Variants in HS6ST3 observed in about 807,000 individuals in gnomAD.
HS6ST3 encodes heparan sulfate 6-O-sulfotransferase 3, also known as heparan-sulfate 6-O-sulfotransferase 3.
Under a neutral mutation model 36.7 loss-of-function variants are expected in HS6ST3, and 12 were observed. That is an observed-to-expected ratio of 0.33 (90% CI 0.21 to 0.53). The LOEUF is 0.53. Ranked by LOEUF, HS6ST3 falls within the 20% of genes least tolerant of loss-of-function variation. The pLI, the probability that HS6ST3 is intolerant of heterozygous loss-of-function variation, is 0.95. For synonymous variants in HS6ST3, 240 were observed against 257.5 expected (o/e 0.93, Z 0.65); for missense variants, 584 against 640.9 (o/e 0.91, Z 0.96).
At chr13:96,224,473 C>G (rs906936515) in intron 1 of HS6ST3, among the ~76,000 whole-genome samples, 2 of 152,124 alleles carry the variant, frequency 1.3e-5, no homozygotes, top group Admixed American at 6.5e-5. Context: ...AGGCATGCCC[C>G]ACCATGCCTG....
intron 1 of HS6ST3, among the ~76,000 whole-genome samples, chr13:96,665,188 A>C (rs879278304): frequency 1.3e-5 from 2 of 152,132 alleles, no homozygotes; most frequent in Admixed American, 6.5e-5. Context: ...ATAAATAAAT[A>C]AATAAACAAG....
At position 96,743,869 on chromosome 13, in the gene HS6ST3, T is replaced by A. The variant is rs73562315; in HGVS notation, c.708-88621T>A. 4.2e-3 allele frequency among the ~76,000 whole-genome samples: 639 copies of A among 152,202 alleles called. 5 individuals carry two copies. Among genetic ancestry groups the A allele is most frequent in the African/African-American group, 0.015 (614 of 41,578 alleles). On this transcript the variant is annotated intron_variant, in intron 1 of 1. Coordinates refer to ENST00000376705, the MANE Select transcript of HS6ST3 (RefSeq NM_153456.4). ...CTGGCTATGATTTATTGGAGCATGG[T>A]ACTACAAATCATGCTTTTTGACTCC... is the stretch of plus-strand genomic sequence containing the variant.
At chr13:96,102,221 G>A (rs1402937888) in intron 1 of HS6ST3, among the ~76,000 whole-genome samples, 3 of 152,054 alleles carry the variant, frequency 2.0e-5, no homozygotes, top group Non-Finnish European at 4.4e-5. Context: ...TACTTTTATT[G>A]ATAAATGTCA....
intron 1 of HS6ST3, among the ~76,000 whole-genome samples, chr13:96,693,281 A>AT (rs1594837823): frequency 6.6e-6 from 1 of 152,074 alleles, no homozygotes; most frequent in Non-Finnish European, 1.5e-5. Context: ...CTATGGAATT[A>AT]TTTTTTGATT....
At chr13:96,356,156 A>G (rs2055209090) in intron 1 of HS6ST3, among the ~76,000 whole-genome samples, 1 of 152,088 alleles carries the variant, frequency 6.6e-6, no homozygotes, top group Admixed American at 6.6e-5. Flanking sequence ...TTCTCTTGCT[A>G]TTTCTACCCC....
chr13:96,112,776 A>ACAG (rs959063187), intron 1 of HS6ST3, among the ~76,000 whole-genome samples: 3 of 149,654 alleles, frequency 2.0e-5, no homozygotes, highest in African/African-American at 7.4e-5. Context: ...CAACAAACAA[A>ACAG]CAAACAGTGA....
rs59107741 is a variant in HS6ST3, at chr13:96,112,578, A to AATATATATAT, written c.707+21044_707+21053dup. 1.2e-3 allele frequency among the ~76,000 whole-genome samples: 96 copies of AATATATATAT among 81,146 alleles called. 2 individuals are homozygous for AATATATATAT. Among genetic ancestry groups the AATATATATAT allele is most frequent in the Middle Eastern group, 6.0e-3 (1 of 166 alleles). The allele number at this position is 81,146 out of a possible 152,430, so 53.2% of individuals were successfully genotyped here. On this transcript the variant is annotated intron_variant, in intron 1 of 1. Coordinates refer to ENST00000376705, the MANE Select transcript of HS6ST3 (RefSeq NM_153456.4). ...TAAAACCCCATCTCTAAAATAAATA[A>AATATATATAT]ATATATATATATATATATATATATA...
chr13:96,667,996 C>G (rs920979653), intron 1 of HS6ST3, among the ~76,000 whole-genome samples: 1 of 152,116 alleles, frequency 6.6e-6, no homozygotes, highest in Non-Finnish European at 1.5e-5. Context: ...TTGTTTTTCT[C>G]CCTCTAACAT....
At chr13:96,402,435 G>A (rs890476023) in intron 1 of HS6ST3, among the ~76,000 whole-genome samples, 6 of 152,180 alleles carry the variant, frequency 3.9e-5, no homozygotes, top group Non-Finnish European at 7.3e-5. Context: ...TTTTAGGTCT[G>A]TATTTAGTTG....
intron 1 of HS6ST3, among the ~76,000 whole-genome samples, chr13:96,264,310 A>C (rs2054680867): frequency 6.6e-6 from 1 of 152,220 alleles, no homozygotes; most frequent in African/African-American, 2.4e-5. Flanking sequence ...TAAAGATTAC[A>C]GAGGGACTGT....
At chr13:96,576,943 CAAAAAAAAAAA>C (rs1157924077) in intron 1 of HS6ST3, among the ~76,000 whole-genome samples, 1 of 26,848 alleles carries the variant, frequency 3.7e-5, no homozygotes, top group East Asian at 1.6e-3. Context: ...GACTCTGTCT[CAAAAAAAAAAA>C]AAAAAAAAAA....
intron 1 of HS6ST3, among the ~76,000 whole-genome samples, chr13:96,473,128 G>T (rs2055847360): frequency 6.6e-6 from 1 of 152,136 alleles, no homozygotes; most frequent in Non-Finnish European, 1.5e-5. Flanking sequence ...AGCAGTATCT[G>T]CCTGAACATG....
chr13:96,727,528 T>C (rs2138473902), intron 1 of HS6ST3, among the ~76,000 whole-genome samples: 1 of 152,290 alleles, frequency 6.6e-6, no homozygotes, highest in Admixed American at 6.5e-5. Context: ...CCAAAAGTGC[T>C]TATTGTAAAA....
Position 96,833,560 on chromosome 13 carries a change from T to G in HS6ST3, c.*362T>G, listed in dbSNP as rs913792561. 8 of 203,574 alleles carry G rather than the reference T, an allele frequency of 3.9e-5. No homozygotes were observed. Among genetic ancestry groups the G allele is most frequent in the Non-Finnish European group, 8.0e-5 (8 of 99,826 alleles). The allele number at this position is 203,574 out of a possible 1,614,324, so 12.6% of individuals were successfully genotyped here. A position where few individuals can be genotyped will look rare whatever the true frequency, so the allele number is the denominator to read the frequency against. On this transcript the variant is annotated 3_prime_UTR_variant, in exon 2 of 2. Transcript: ENST00000376705. ...ACAGAGGCACACATGAAAAGCCAAA[T>G]TATGGCTTGGATGTTCTGCTGAAAC...
At chr13:96,219,114 G>A (rs996636774) in intron 1 of HS6ST3, among the ~76,000 whole-genome samples, 3 of 151,294 alleles carry the variant, frequency 2.0e-5, no homozygotes, top group African/African-American at 7.4e-5. Context: ...CTTGCATACA[G>A]GCATGTTTCC....
At chr13:96,406,217 G>T (rs551556329) in intron 1 of HS6ST3, among the ~76,000 whole-genome samples, 1 of 152,272 alleles carries the variant, frequency 6.6e-6, no homozygotes, top group South Asian at 2.1e-4. Flanking sequence ...ATCACATACA[G>T]ACAATTATGA....
At chr13:96,566,779 A>G (rs2056282793) in intron 1 of HS6ST3, among the ~76,000 whole-genome samples, 1 of 152,212 alleles carries the variant, frequency 6.6e-6, no homozygotes, top group South Asian at 2.1e-4. Context: ...ATGGGGAAGG[A>G]AAGTGTTGTG....
chr13:96,362,954 C>T (rs1225714589), intron 1 of HS6ST3, among the ~76,000 whole-genome samples: 2 of 152,078 alleles, frequency 1.3e-5, no homozygotes, highest in African/African-American at 2.4e-5. Flanking sequence ...ATAAGACATT[C>T]TTGAAATTAC....
chr13:96,233,288 A>G (rs1287031387), intron 1 of HS6ST3, among the ~76,000 whole-genome samples: 2 of 152,202 alleles, frequency 1.3e-5, no homozygotes, highest in East Asian at 1.9e-4. Flanking sequence ...TTGAAGTTAT[A>G]TAAGGTATTA....
Sources: gnomAD v4.1 joint callset for allele counts (sites outside exome capture counted in the v4.1 genomes callset) on GRCh38, gnomAD v4.1.1 for gene constraint, MANE v1.5 for transcripts, NCBI Gene and HGNC (gene_info 2026-07-23, HGNC 2026-07-21) for gene names.